The following ZNF385B variants were observed in gnomAD, a reference collection of about 807,000 sequenced individuals.
ZNF385B encodes the protein zinc finger protein 533.
ZNF385B carries 23 observed loss-of-function variants against 39.2 expected under a neutral mutation model. The ratio of observed to expected loss-of-function variants is 0.59; its 90% CI spans 0.42 to 0.83. The LOEUF is 0.83. Among genes scored for constraint, ZNF385B ranks in the 40% least tolerant of loss-of-function variants. The pLI is 0.00. For synonymous variants in ZNF385B, 205 were observed against 222.6 expected (o/e 0.92, Z 0.70); for missense variants, 552 against 598.9 (o/e 0.92, Z 0.82).
intron 3 of ZNF385B, among the ~76,000 whole-genome samples, chr2:179,568,794 T>C (rs1429022404): frequency 6.6e-6 from 1 of 152,188 alleles, no homozygotes; most frequent in Non-Finnish European, 1.5e-5. Flanking sequence ...AAGCCATTAA[T>C]TGATACTCAG....
chr2:179,798,534 C>T (rs1705825057), intron 1 of ZNF385B, among the ~76,000 whole-genome samples: 1 of 152,052 alleles, frequency 6.6e-6, no homozygotes, highest in Non-Finnish European at 1.5e-5. Context: ...CTTTATCTTC[C>T]TTCTCCAATG....
At chr2:179,539,806 T>C (rs568739157) in intron 4 of ZNF385B, among the ~76,000 whole-genome samples, 11 of 152,334 alleles carry the variant, frequency 7.2e-5, no homozygotes, top group Admixed American at 2.6e-4. Flanking sequence ...TCTTGAACAC[T>C]ATAAACTTTG....
chr2:179,838,261 G>A (rs1457023772), intron 1 of ZNF385B, among the ~76,000 whole-genome samples: 1 of 152,148 alleles, frequency 6.6e-6, no homozygotes, highest in East Asian at 1.9e-4. Context: ...AGAAACCACA[G>A]TCTGAGAAAA....
intron 3 of ZNF385B, among the ~76,000 whole-genome samples, chr2:179,665,513 C>T (rs1035440807): frequency 2.0e-5 from 3 of 152,250 alleles, no homozygotes; most frequent in Middle Eastern, 3.4e-3. Context: ...TTGGAAGCTG[C>T]GGCTCCCCAG....
chr2:179,504,278 G>T (rs1383530375), intron 5 of ZNF385B, among the ~76,000 whole-genome samples: 3 of 151,886 alleles, frequency 2.0e-5, no homozygotes, highest in South Asian at 2.1e-4. Flanking sequence ...GTCTATCATT[G>T]TTGGACATTT....
At chr2:179,770,957 C>T (rs1451895038) in intron 1 of ZNF385B, among the ~76,000 whole-genome samples, 1 of 151,862 alleles carries the variant, frequency 6.6e-6, no homozygotes, top group Non-Finnish European at 1.5e-5. Context: ...TCAAAATTAT[C>T]AGTGGGATTA....
chr2:179,717,408 GGAGGGAGA>G (rs1349112669), intron 3 of ZNF385B, among the ~76,000 whole-genome samples: 2 of 152,108 alleles, frequency 1.3e-5, no homozygotes, highest in African/African-American at 2.4e-5. Flanking sequence ...GTGGAGAGAG[GGAGGGAGA>G]GAGGGAGAGA....
intron 6 of ZNF385B, among the ~76,000 whole-genome samples, chr2:179,455,609 G>A (rs1391623124): frequency 1.3e-5 from 2 of 151,926 alleles, no homozygotes; most frequent in Non-Finnish European, 2.9e-5. Flanking sequence ...ACCTAGTCTC[G>A]GCCAGGCGCA....
chr2:179,464,136 G>A (rs2051692243), intron 6 of ZNF385B, among the ~76,000 whole-genome samples: 1 of 152,128 alleles, frequency 6.6e-6, no homozygotes, highest in African/African-American at 2.4e-5. Context: ...TTTGTTAGCT[G>A]CATAAATGAC....
chr2:179,701,909 A>G (rs1056186484), intron 3 of ZNF385B, among the ~76,000 whole-genome samples: 1 of 152,234 alleles, frequency 6.6e-6, no homozygotes, highest in African/African-American at 2.4e-5. Context: ...AATGGGCACC[A>G]ATCCAAGTAT....
intron 3 of ZNF385B, 133 bp from the exon 4 acceptor site, chr2:179,545,102 G>T: frequency 9.9e-7 from 1 of 1,013,188 alleles, no homozygotes; most frequent in Non-Finnish European, 1.5e-6. Context: ...TAAGCAAATG[G>T]CACAGGAGTA....
chr2:179,455,356 G>A (rs986089959), intron 6 of ZNF385B, among the ~76,000 whole-genome samples: 2 of 151,898 alleles, frequency 1.3e-5, no homozygotes, highest in Non-Finnish European at 2.9e-5. Context: ...GCCGGTGGGA[G>A]GTAATTGAAT....
chr2:179,855,106 G>T lies in ZNF385B; in HGVS notation c.-155+5995C>A, dbSNP rs573966391. Among the ~76,000 whole-genome samples, 11 of 151,924 alleles carry T rather than the reference G, an allele frequency of 7.2e-5. No individual in the cohort carries two copies. In the South Asian group the frequency reaches 1.3e-3, roughly 17 times the overall value. On this transcript the variant is annotated intron_variant, in intron 1 of 9. Transcript: ENST00000410066. ...TTCAGATGTGTACAGAAAAAAAAAA[G>T]TGGAATATGGTCCCCAGTTAATATT...
At chr2:179,670,954 C>A (rs1472439376) in intron 3 of ZNF385B, among the ~76,000 whole-genome samples, 1 of 152,198 alleles carries the variant, frequency 6.6e-6, no homozygotes, top group Admixed American at 6.5e-5. Context: ...TTGGAAAAGT[C>A]ACTTATCTAT....
At chr2:179,786,070 G>C (rs1157201900) in intron 1 of ZNF385B, among the ~76,000 whole-genome samples, 2 of 152,146 alleles carry the variant, frequency 1.3e-5, no homozygotes, top group Non-Finnish European at 2.9e-5. Context: ...AGTCAACACT[G>C]AGGTAAAACC....
At chr2:179,532,935 G>A (rs2059342418) in intron 4 of ZNF385B, among the ~76,000 whole-genome samples, 1 of 152,162 alleles carries the variant, frequency 6.6e-6, no homozygotes, top group Non-Finnish European at 1.5e-5. Context: ...TGATATGAGA[G>A]CTGAAATGGA....
chr2:179,701,638 T>C (rs1699209281), intron 3 of ZNF385B, among the ~76,000 whole-genome samples: 1 of 152,202 alleles, frequency 6.6e-6, no homozygotes, highest in African/African-American at 2.4e-5. Flanking sequence ...ATTTTTTATT[T>C]CATCATTTTT....
intron 3 of ZNF385B, among the ~76,000 whole-genome samples, chr2:179,546,108 C>T (rs1228228003): frequency 6.6e-6 from 1 of 152,096 alleles, no homozygotes; most frequent in Non-Finnish European, 1.5e-5. Context: ...GATCATGGTT[C>T]ACTGTAGCCC....
chr2:179,590,157 A>T (rs1687431925), intron 3 of ZNF385B, among the ~76,000 whole-genome samples: 3 of 152,126 alleles, frequency 2.0e-5, no homozygotes, highest in African/African-American at 4.8e-5. Flanking sequence ...GGTTGTGCTC[A>T]TCTTATAGGG....
Sources: allele counts gnomAD v4.1 joint callset (sites outside exome capture counted in the v4.1 genomes callset), GRCh38; gene constraint gnomAD v4.1.1; transcripts MANE v1.5; gene names NCBI Gene and HGNC (gene_info 2026-07-23, HGNC 2026-07-21).